GTF2F2: variants seen among roughly 807,000 people sequenced by gnomAD.
GTF2F2 encodes the protein ATP-dependent helicase GTF2F2.
In GTF2F2, 23 loss-of-function variants were observed where a neutral mutation model predicts 42.2. That is an observed-to-expected ratio of 0.55 (90% CI 0.39 to 0.77). The LOEUF is 0.77. Ranked by LOEUF, GTF2F2 falls within the 30% of genes least tolerant of loss-of-function variation. The pLI is 0.00. For synonymous variants in GTF2F2, 105 were observed against 100.8 expected, an observed-to-expected ratio of 1.04 and a Z score of -0.25; for missense variants, 261 against 287.2, an observed-to-expected ratio of 0.91 and a Z score of 0.66.
chr13:45,241,184 A>AATATATAT (rs71697631), intron 5 of GTF2F2, among the ~76,000 whole-genome samples: 5 of 143,886 alleles, frequency 3.5e-5, no homozygotes, highest in African/African-American at 1.3e-4. Context: ...ATAAATATAA[A>AATATATAT]ATATATATAT....
chr13:45,171,864 AC>A (rs987261874), intron 4 of GTF2F2, among the ~76,000 whole-genome samples: 1 of 143,432 alleles, frequency 7.0e-6, no homozygotes, highest in African/African-American at 2.7e-5. Context: ...GTCTTTTGTG[AC>A]CTTTTTTTTT....
chr13:45,202,328 G>A (rs747958981), intron 4 of GTF2F2, among the ~76,000 whole-genome samples: 27 of 151,902 alleles, frequency 1.8e-4, no homozygotes, highest in African/African-American at 3.4e-4. Context: ...CGGAGGTTGC[G>A]GTGAGCCAAG....
chr13:45,274,194 T>C (rs1876923045), intron 7 of GTF2F2, among the ~76,000 whole-genome samples: 1 of 152,172 alleles, frequency 6.6e-6, no homozygotes, highest in Non-Finnish European at 1.5e-5. Context: ...CCAGCCACTG[T>C]TTATTGGATA....
At chr13:45,154,071 G>C (rs920606882) in intron 4 of GTF2F2, among the ~76,000 whole-genome samples, 2 of 151,260 alleles carry the variant, frequency 1.3e-5, no homozygotes, top group Non-Finnish European at 2.9e-5. Context: ...TCTGTTGAAC[G>C]TGTGAGGTTT....
chr13:45,245,396 CA>C (rs1680153026), intron 5 of GTF2F2, among the ~76,000 whole-genome samples: 1 of 151,794 alleles, frequency 6.6e-6, no homozygotes, highest in African/African-American at 2.4e-5. Context: ...ATGCACCCAT[CA>C]CCCAAATAGT....
chr13:45,255,392 T>G (rs953731521), intron 6 of GTF2F2, among the ~76,000 whole-genome samples: 1 of 152,184 alleles, frequency 6.6e-6, no homozygotes, highest in African/African-American at 2.4e-5. Context: ...ATGACCCATA[T>G]AAATACATTC....
intron 4 of GTF2F2, among the ~76,000 whole-genome samples, chr13:45,168,046 T>C (rs1382248147): frequency 6.6e-6 from 1 of 152,218 alleles, no homozygotes; most frequent in Non-Finnish European, 1.5e-5. Context: ...CTGTATAATG[T>C]GTTATGTGTC....
At chr13:45,123,948 T>C in intron 1 of GTF2F2, 1 of 612,828 alleles carries the variant, frequency 1.6e-6, no homozygotes, top group Non-Finnish European at 2.9e-6. Context: ...TGGCAGGGAC[T>C]CCCCAGCATT....
chr13:45,265,878 T>C (rs1472175160), intron 6 of GTF2F2, among the ~76,000 whole-genome samples: 1 of 152,202 alleles, frequency 6.6e-6, no homozygotes, highest in Non-Finnish European at 1.5e-5. Flanking sequence ...CACAGGACAT[T>C]CTTCTCTGGC....
At chr13:45,179,335 T>C (rs763377738) in intron 4 of GTF2F2, among the ~76,000 whole-genome samples, 8 of 152,196 alleles carry the variant, frequency 5.3e-5, no homozygotes, top group Non-Finnish European at 1.0e-4. Context: ...AATTAGGTGA[T>C]CATTACAGTG....
intron 4 of GTF2F2, among the ~76,000 whole-genome samples, chr13:45,159,662 C>T (rs968578098): frequency 5.3e-5 from 8 of 152,136 alleles, no homozygotes; most frequent in Admixed American, 2.0e-4. Flanking sequence ...TTATTAGAGA[C>T]GGGGTTTTGC....
At chr13:45,205,157 T>C (rs926792642) in intron 4 of GTF2F2, among the ~76,000 whole-genome samples, 1 of 152,186 alleles carries the variant, frequency 6.6e-6, no homozygotes, top group Admixed American at 6.5e-5. Context: ...TGCCTGAGAC[T>C]GGGTAGTTTA....
chr13:45,151,161 T>C (rs79077324), intron 3 of GTF2F2, among the ~76,000 whole-genome samples: 4,365 of 152,220 alleles, frequency 0.029, 107 homozygotes, highest in East Asian at 0.13. Context: ...CCAATGTCTG[T>C]TGTTCCCATC....
Position 45,157,754 on chromosome 13 carries a change from GT to G in GTF2F2, c.304+5932del, listed in dbSNP as rs961417385. Among the ~76,000 whole-genome samples, 2 of 150,270 alleles carry G rather than the reference GT, an allele frequency of 1.3e-5. 1 individual carries two copies. The highest frequency in any genetic ancestry group is 4.9e-5 in the African/African-American group (2 of 40,954). ...TGCCTGGCTAGTTTTTTATTTTTTTGTTTTTTTTTGTAGAGACAGGGTTTCG... is the reference window on the plus strand; with the variant it reads ...TGCCTGGCTAGTTTTTTATTTTTTTGTTTTTTTTGTAGAGACAGGGTTTCG... On this transcript the variant is annotated intron_variant, in intron 4 of 7. Transcript: ENST00000340473.
In GTF2F2 at chr13:45,165,333, T is replaced by TA. The variant is rs1566120046; in HGVS notation, c.304+13502_304+13503insA. ...AAAATATATATATATATATATATAT[T>TA]TTTTTTTTCTTTGAGACAAAGTCTT... On this transcript the variant is annotated intron_variant, in intron 4 of 7. Transcript: ENST00000340473. Among the ~76,000 whole-genome samples the TA allele has an allele frequency of 1.3e-4, 17 of 129,298 alleles. No individual in the cohort carries two copies. In the South Asian group the frequency reaches 1.3e-3, roughly 10 times the overall value. The allele number at this position is 129,298 out of a possible 152,430, so 84.8% of individuals were successfully genotyped here.
At chr13:45,215,992 T>TTG (rs1873871493) in intron 5 of GTF2F2, among the ~76,000 whole-genome samples, 1 of 151,892 alleles carries the variant, frequency 6.6e-6, no homozygotes, top group African/African-American at 2.4e-5. Context: ...TGGCTCACAC[T>TTG]TGTAATCCCG....
At chr13:45,151,473 C>T (rs957661474) in intron 3 of GTF2F2, among the ~76,000 whole-genome samples, 1 of 152,126 alleles carries the variant, frequency 6.6e-6, no homozygotes, top group African/African-American at 2.4e-5. Flanking sequence ...ATCCTCTTGC[C>T]TCAGCCTCCC....
chr13:45,207,225 A>G (rs1201252715), intron 4 of GTF2F2, 199 bp from the exon 5 acceptor site: 2 of 489,544 alleles, frequency 4.1e-6, no homozygotes, highest in African/African-American at 3.8e-5. Flanking sequence ...AACAAATCTG[A>G]CAGGAGCCCA....
intron 2 of GTF2F2, among the ~76,000 whole-genome samples, chr13:45,137,688 C>T (rs183320852): frequency 6.6e-6 from 1 of 152,232 alleles, no homozygotes; most frequent in East Asian, 1.9e-4. Context: ...AGAGGAAGCC[C>T]CAGTGCACAA....
Sources: gnomAD v4.1 joint callset for allele counts (sites outside exome capture counted in the v4.1 genomes callset) on GRCh38, gnomAD v4.1.1 for gene constraint, MANE v1.5 for transcripts, NCBI Gene and HGNC (gene_info 2026-07-23, HGNC 2026-07-21) for gene names.